The following KATNAL1 variants were observed in gnomAD, a reference collection of about 807,000 sequenced individuals.
The protein encoded by KATNAL1 is katanin p60 ATPase-containing subunit A-like 1.
Under a neutral mutation model 55.2 loss-of-function variants are expected in KATNAL1, and 32 were observed. The ratio of observed to expected loss-of-function variants is 0.58; its 90% confidence interval spans 0.44 to 0.78. The LOEUF (loss-of-function observed/expected upper bound fraction) is 0.78. Among genes scored for constraint, KATNAL1 ranks in the 30% least tolerant of loss-of-function variants. The pLI, the probability that KATNAL1 is intolerant of heterozygous loss-of-function variation, is 0.00. For missense variants in KATNAL1, 466 were observed against 600.9 expected (o/e 0.78, Z 2.35); for synonymous variants, 193 against 193.6 (o/e 1.00, Z 0.02).
chr13:30,234,462 T>C lies in KATNAL1; in HGVS notation c.727-2990A>G, dbSNP rs1265046269. Reference sequence around the variant, plus strand: ...GACCTTTGATGCTGCTGATACATGGTATTCATTCCCCTCTTCTTGAAACCC... The same window carrying C: ...GACCTTTGATGCTGCTGATACATGGCATTCATTCCCCTCTTCTTGAAACCC... On this transcript the variant is annotated intron_variant, in intron 6 of 10. Coordinates refer to ENST00000380615, the MANE Select transcript of KATNAL1 (RefSeq NM_032116.5). Among the ~76,000 whole-genome samples the C allele has an allele frequency of 3.3e-5, 5 of 152,318 alleles. No homozygotes were observed. In the East Asian group the frequency reaches 9.6e-4, roughly 29 times the overall value.
intron 9 of KATNAL1, among the ~76,000 whole-genome samples, chr13:30,222,199 A>C (rs1874942839): frequency 6.6e-6 from 1 of 152,194 alleles, no homozygotes; most frequent in South Asian, 2.1e-4. Flanking sequence ...GGAAGGTCTG[A>C]ATAAAACACA....
intron 9 of KATNAL1, among the ~76,000 whole-genome samples, chr13:30,221,316 A>G (rs1874833672): frequency 1.3e-5 from 2 of 152,228 alleles, no homozygotes; most frequent in South Asian, 4.1e-4. Flanking sequence ...AACTGTTTGC[A>G]TGTATTGGCC....
At chr13:30,267,575 A>G (rs1879874119) in intron 3 of KATNAL1, among the ~76,000 whole-genome samples, 1 of 151,918 alleles carries the variant, frequency 6.6e-6, no homozygotes, top group African/African-American at 2.4e-5. Flanking sequence ...CAAGTCACAC[A>G]AAGAAAACAA....
chr13:30,296,504 G>C, intron 1 of KATNAL1: 1 of 732,784 alleles, frequency 1.4e-6, no homozygotes, highest in African/African-American at 1.7e-5. Flanking sequence ...AAACAGATGA[G>C]TGCATTGCCT....
At position 30,263,240 on chromosome 13, in the gene KATNAL1, A is replaced by G. The variant is rs898677604; in HGVS notation, c.324-7625T>C. Among the ~76,000 whole-genome samples, 6 of 152,352 alleles carry G rather than the reference A, an allele frequency of 3.9e-5. No individual in the cohort carries two copies. In the South Asian group the frequency reaches 6.2e-4, roughly 16 times the overall value. On this transcript the variant is annotated intron_variant, in intron 3 of 10. Transcript: ENST00000380615. ...TATCTCAAAATAATAAGAGCTATTC[A>G]TGACAAACTCACAGCCAATATCATA...
chr13:30,253,581 C>T (rs1878529435), intron 4 of KATNAL1, among the ~76,000 whole-genome samples: 1 of 148,688 alleles, frequency 6.7e-6, no homozygotes, highest in Non-Finnish European at 1.5e-5. Flanking sequence ...AGGAGAATGA[C>T]GTGAACCTGG....
At chr13:30,267,473 A>T (rs1879867402) in intron 3 of KATNAL1, among the ~76,000 whole-genome samples, 1 of 152,266 alleles carries the variant, frequency 6.6e-6, no homozygotes, top group Non-Finnish European at 1.5e-5. Flanking sequence ...ATGTACATAC[A>T]TATTTTACAA....
intron 3 of KATNAL1, among the ~76,000 whole-genome samples, chr13:30,274,375 C>A (rs777599972): frequency 1.3e-5 from 2 of 152,106 alleles, no homozygotes; most frequent in African/African-American, 4.8e-5. Flanking sequence ...AACTTTAATA[C>A]CAAGTCAATA....
At chr13:30,213,462 C>A (rs1251506170) in intron 9 of KATNAL1, among the ~76,000 whole-genome samples, 1 of 151,094 alleles carries the variant, frequency 6.6e-6, no homozygotes, top group African/African-American at 2.5e-5. Context: ...CGGGCAGAGA[C>A]ACACCCAAAA....
intron 3 of KATNAL1, among the ~76,000 whole-genome samples, chr13:30,265,864 T>G (rs1406686314): frequency 6.6e-6 from 1 of 151,114 alleles, no homozygotes. Context: ...TACAAAAAAT[T>G]TGCCAGGCAT....
chr13:30,281,650 A>C (rs1881347256), intron 2 of KATNAL1: 1 of 152,240 alleles, frequency 6.6e-6, no homozygotes, highest in Non-Finnish European at 1.5e-5. Flanking sequence ...GACTAATGGA[A>C]AAATTAGAAG....
At chr13:30,208,794 T>G (rs1016014058) in intron 10 of KATNAL1, 56 bp from the exon 11 acceptor site, 2 of 1,160,060 alleles carry the variant, frequency 1.7e-6, no homozygotes, top group Non-Finnish European at 2.4e-6. Flanking sequence ...TTAAACACTT[T>G]CAATTGTAAC....
At chr13:30,223,254 A>G (rs1214507022) in intron 9 of KATNAL1, among the ~76,000 whole-genome samples, 2 of 151,718 alleles carry the variant, frequency 1.3e-5, no homozygotes, top group Admixed American at 6.6e-5. Context: ...CCTGGCTAAC[A>G]CGGTGAAACT....
chr13:30,303,153 AT>A (rs996353033), intron 1 of KATNAL1, among the ~76,000 whole-genome samples: 7 of 152,238 alleles, frequency 4.6e-5, no homozygotes, highest in Non-Finnish European at 1.0e-4. Context: ...TTAAAAGGTC[AT>A]TTACTCCTTT....
chr13:30,205,306 C>A lies in KATNAL1; in HGVS notation c.*3234G>T, dbSNP rs1873003151. The stretch of plus-strand genomic sequence containing the variant: ...AACTGCCAAGTTTGAACTGTACTCT[C>A]TAGTCCAGCTTTGTCTTGGTCCACA... On this transcript the variant is annotated 3_prime_UTR_variant, in exon 11 of 11. Transcript: ENST00000380615. 1 of 152,338 alleles carries A rather than the reference C, an allele frequency of 6.6e-6. No individual in the cohort carries two copies. Among genetic ancestry groups the A allele is most frequent in the East Asian group, 1.9e-4 (1 of 5,190 alleles). The allele number at this position is 152,338 out of a possible 1,614,324, so 9.4% of individuals were successfully genotyped here. A position where few individuals can be genotyped will look rare whatever the true frequency, so the allele number is the denominator to read the frequency against.
intron 1 of KATNAL1, among the ~76,000 whole-genome samples, chr13:30,297,552 A>G (rs1417337547): frequency 6.6e-6 from 1 of 152,246 alleles, no homozygotes; most frequent in African/African-American, 2.4e-5. Flanking sequence ...TCTACCAAAA[A>G]GACACATGCA....
At chr13:30,269,963 A>C (rs560487072) in intron 3 of KATNAL1, among the ~76,000 whole-genome samples, 2 of 108,204 alleles carry the variant, frequency 1.8e-5, no homozygotes, top group Non-Finnish European at 3.8e-5. Flanking sequence ...CTGCCCGGCC[A>C]CCCCTACTGG....
intron 4 of KATNAL1, among the ~76,000 whole-genome samples, chr13:30,252,396 C>T (rs1878401083): frequency 6.6e-6 from 1 of 152,128 alleles, no homozygotes; most frequent in Non-Finnish European, 1.5e-5. Context: ...TACCAGGGAC[C>T]TTAAGCAAGA....
chr13:30,292,826 T>C (rs1325847146), intron 1 of KATNAL1, among the ~76,000 whole-genome samples: 2 of 152,240 alleles, frequency 1.3e-5, no homozygotes, highest in African/African-American at 4.8e-5. Flanking sequence ...AGAATTTGCC[T>C]GGCTACTGAA....
Sources: allele counts gnomAD v4.1 joint callset (sites outside exome capture counted in the v4.1 genomes callset), GRCh38; gene constraint gnomAD v4.1.1; transcripts MANE v1.5; gene names NCBI Gene and HGNC (gene_info 2026-07-23, HGNC 2026-07-21).